The following TMEM132B variants were observed in gnomAD, a reference collection of about 807,000 sequenced individuals.
TMEM132B encodes the protein transmembrane protein 132B.
Under a neutral mutation model 90.8 loss-of-function variants are expected in TMEM132B, and 18 were observed. The observed-to-expected ratio is 0.20, with a 90% CI of 0.14 to 0.29. TMEM132B has a LOEUF of 0.29. TMEM132B is among the 10% of genes least tolerant of loss of function. The pLI, the probability that TMEM132B is intolerant of heterozygous loss-of-function variation, is 1.00. For synonymous variants in TMEM132B, 504 were observed against 523.3 expected (o/e 0.96, Z 0.50); for missense variants, 1,096 against 1,326.8 (o/e 0.83, Z 2.70).
chr12:125,556,936 A>G (rs952371848), intron 4 of TMEM132B, among the ~76,000 whole-genome samples: 6 of 151,704 alleles, frequency 4.0e-5, no homozygotes, highest in African/African-American at 1.5e-4. Flanking sequence ...TTGTATTTTT[A>G]GTAGAGACAG....
chr12:125,452,377 C>T (rs1278783882), intron 3 of TMEM132B, among the ~76,000 whole-genome samples: 1 of 152,202 alleles, frequency 6.6e-6, no homozygotes, highest in Non-Finnish European at 1.5e-5. Flanking sequence ...TTTACTTAGC[C>T]ATTCTTGCAT....
Position 125,655,911 on chromosome 12 carries a change from A to G in TMEM132B, c.*1201A>G, listed in dbSNP as rs1366141635. 2 of 152,230 alleles carry G rather than the reference A, an allele frequency of 1.3e-5. No individual in the cohort carries two copies. Among genetic ancestry groups the G allele is most frequent in the Admixed American group, 6.5e-5 (1 of 15,290 alleles). 9.4% of individuals were successfully genotyped at this position (152,230 alleles called of 1,614,324 possible). ...TCAATCATGACTTTGGCAGAGATAA[A>G]ACATTGACAAGGGTGTGCATTTGTG... On this transcript the variant is annotated 3_prime_UTR_variant, in exon 9 of 9. Transcript: ENST00000682704.
At chr12:125,300,147 ACCCCTCTCCCTACCCCAGCCACGGC>A (rs1392954695) in intron 1 of TMEM132B, among the ~76,000 whole-genome samples, 1 of 148,988 alleles carries the variant, frequency 6.7e-6, no homozygotes, top group Non-Finnish European at 1.5e-5. Flanking sequence ...ACCTAAAGGA[ACCCCTCTCCCTACCCCAGCCACGGC>A]CCTTCCTCTT....
Position 125,602,798 on chromosome 12 carries a change from C to A in TMEM132B, c.1437+18804C>A, listed in dbSNP as rs929077038. On this transcript the variant is annotated intron_variant, in intron 5 of 8. Transcript: ENST00000682704. ...GGATACAAAATCAATATGCAAAAAT[C>A]ACAGGCATCCCTATATACCAACAAT... 2.6e-5 allele frequency among the ~76,000 whole-genome samples: 4 copies of A among 152,232 alleles called. No individual in the cohort carries two copies. In the East Asian group the frequency reaches 5.8e-4, roughly 22 times the overall value.
chr12:125,265,304 T>A (rs1874661175), intron 1 of TMEM132B, among the ~76,000 whole-genome samples: 1 of 152,040 alleles, frequency 6.6e-6, no homozygotes, highest in Non-Finnish European at 1.5e-5. Context: ...AAATCTTATA[T>A]AGGCTGTTTT....
chr12:125,604,613 TAAAA>T (rs1017982551), intron 5 of TMEM132B, among the ~76,000 whole-genome samples: 3 of 151,904 alleles, frequency 2.0e-5, no homozygotes, highest in African/African-American at 7.3e-5. Flanking sequence ...TAAAGTAAAA[TAAAA>T]AAAATAAATA....
chr12:125,541,108 G>A (rs1171644265), intron 4 of TMEM132B, among the ~76,000 whole-genome samples: 1 of 152,196 alleles, frequency 6.6e-6, no homozygotes, highest in Admixed American at 6.5e-5. Flanking sequence ...GGTAAGAGCG[G>A]CCTTCCCTGA....
intron 1 of TMEM132B, among the ~76,000 whole-genome samples, chr12:125,307,809 T>TTATATTACAAG (rs1876023764): frequency 8.0e-6 from 1 of 125,738 alleles, no homozygotes; most frequent in Non-Finnish European, 1.7e-5. Flanking sequence ...GTATATATAC[T>TTATATTACAAG]TATAATACTT....
chr12:125,281,387 G>C (rs1253328547), intron 1 of TMEM132B, among the ~76,000 whole-genome samples: 1 of 152,174 alleles, frequency 6.6e-6, no homozygotes, highest in African/African-American at 2.4e-5. Context: ...ATTCAGACAT[G>C]GGTGGTGGCG....
intron 1 of TMEM132B, among the ~76,000 whole-genome samples, chr12:125,303,021 C>T (rs1875869421): frequency 1.3e-5 from 2 of 152,114 alleles, no homozygotes; most frequent in East Asian, 3.9e-4. Context: ...CGCTTGAACC[C>T]AGGAGGCAGA....
intron 1 of TMEM132B, among the ~76,000 whole-genome samples, chr12:125,223,755 G>A (rs1219842690): frequency 6.6e-6 from 1 of 151,816 alleles, no homozygotes; most frequent in African/African-American, 2.4e-5. Context: ...TGCAATATGT[G>A]GTCTTTTGTG....
chr12:125,450,433 A>C (rs576342090), intron 3 of TMEM132B, among the ~76,000 whole-genome samples: 1 of 152,358 alleles, frequency 6.6e-6, no homozygotes, highest in African/African-American at 2.4e-5. Flanking sequence ...AATCTAAACT[A>C]TTGAAAATAT....
intron 5 of TMEM132B, among the ~76,000 whole-genome samples, chr12:125,603,191 A>C (rs1406417610): frequency 6.6e-6 from 1 of 152,210 alleles, no homozygotes; most frequent in Non-Finnish European, 1.5e-5. Context: ...GCATCATGCT[A>C]CCTGACTTCA....
intron 4 of TMEM132B, among the ~76,000 whole-genome samples, chr12:125,559,005 C>T (rs959357598): frequency 1.3e-5 from 2 of 152,166 alleles, no homozygotes; most frequent in African/African-American, 2.4e-5. Context: ...GGAGAATGTA[C>T]TAAGAATATA....
intron 2 of TMEM132B, among the ~76,000 whole-genome samples, chr12:125,369,907 G>A (rs1229326807): frequency 6.6e-6 from 1 of 152,116 alleles, no homozygotes; most frequent in Non-Finnish European, 1.5e-5. Context: ...AAATCAGCCG[G>A]GTGTGGTGGT....
chr12:125,370,700 C>T (rs945349495), intron 2 of TMEM132B, among the ~76,000 whole-genome samples: 10 of 152,170 alleles, frequency 6.6e-5, no homozygotes, highest in Admixed American at 3.9e-4. Context: ...TGAGCTACCG[C>T]ATCCGGCCAA....
chr12:125,515,614 AT>A (rs1438436242), intron 3 of TMEM132B, among the ~76,000 whole-genome samples: 2 of 148,486 alleles, frequency 1.3e-5, no homozygotes, highest in Non-Finnish European at 3.0e-5. Context: ...TACAACACAT[AT>A]TCACACATTT....
At chr12:125,322,432 A>G (rs1876454311) in intron 1 of TMEM132B, among the ~76,000 whole-genome samples, 1 of 152,366 alleles carries the variant, frequency 6.6e-6, no homozygotes, top group Non-Finnish European at 1.5e-5. Flanking sequence ...AGACTAATAC[A>G]TATGTCTACA....
chr12:125,380,336 C>T (rs11058155), intron 2 of TMEM132B, among the ~76,000 whole-genome samples: 21,570 of 152,114 alleles, frequency 0.14, 1,921 homozygotes, highest in South Asian at 0.24. Context: ...ACTGGCCATT[C>T]GATTTGGGAC....
Sources: gnomAD v4.1 joint callset for allele counts (sites outside exome capture counted in the v4.1 genomes callset) on GRCh38, gnomAD v4.1.1 for gene constraint, MANE v1.5 for transcripts, NCBI Gene and HGNC (gene_info 2026-07-23, HGNC 2026-07-21) for gene names.